The following ACP2 variants were observed in gnomAD, a reference collection of about 807,000 sequenced individuals.
The protein encoded by ACP2 is lysosomal acid phosphatase.
Under a neutral mutation model 54.7 loss-of-function variants are expected in ACP2, and 35 were observed. The ratio of observed to expected loss-of-function variants is 0.64; its 90% CI spans 0.49 to 0.85. ACP2 has a LOEUF of 0.85. ACP2 is among the 40% of genes least tolerant of loss of function. ACP2 has a pLI of 0.00. For missense variants in ACP2, 492 were observed against 565.0 expected (o/e 0.87, Z 1.31); for synonymous variants, 210 against 224.4 (o/e 0.94, Z 0.57).
chr11:47,240,479 C>G (rs1953844312), intron 10 of ACP2, among the ~76,000 whole-genome samples: 1 of 152,198 alleles, frequency 6.6e-6, no homozygotes, highest in African/African-American at 2.4e-5. Context: ...CACCTGAGGT[C>G]AGGAGTTGGA....
intron 9 of ACP2, 45 bp from the exon 10 acceptor site, chr11:47,242,943 A>G (rs1409053460): frequency 6.2e-7 from 1 of 1,610,112 alleles, no homozygotes; most frequent in Non-Finnish European, 8.5e-7. Flanking sequence ...CAGCCTGCCC[A>G]TCATGGGGTC....
rs770603142 is a variant in ACP2, at chr11:47,243,129, G to A, written c.856-5C>T. 18 of 1,613,948 alleles carry A rather than the reference G, an allele frequency of 1.1e-5. No individual in the cohort carries two copies. The highest frequency in any genetic ancestry group is 7.7e-5 in the South Asian group (7 of 91,090). ...GGCAACCAGGGTAGTGTCGTGCTGC[G>A]GGGGAGAGGGGCTGCCCGTCAGCAT... On this transcript the variant is annotated splice_polypyrimidine_tract_variant and splice_region_variant and intron_variant, in intron 8 of 10. Transcript: ENST00000672073.
At chr11:47,242,694 G>T in intron 10 of ACP2, 29 bp downstream of exon 10, 1 of 1,597,232 alleles carries the variant, frequency 6.3e-7, no homozygotes, top group South Asian at 1.1e-5. Context: ...TCTAGGGCAT[G>T]ACTAGCAAGG....
At chr11:47,242,645 G>T in intron 10 of ACP2, 78 bp downstream of exon 10, 1 of 1,524,820 alleles carries the variant, frequency 6.6e-7, no homozygotes, top group South Asian at 1.2e-5. Context: ...CTGGAAGTGC[G>T]ACAGCTCTTG....
At chr11:47,243,171 A>G in intron 8 of ACP2, 47 bp from the exon 9 acceptor site, 1 of 1,613,288 alleles carries the variant, frequency 6.2e-7, no homozygotes, top group Non-Finnish European at 8.5e-7. Context: ...CCACACCCGC[A>G]GGAACCGAAC....
At position 47,240,000 on chromosome 11, in the gene ACP2, T is replaced by A; in HGVS notation, c.*116A>T. 8.4e-7 allele frequency: 1 copy of A among 1,191,886 alleles called. No homozygotes were observed. 73.8% of individuals were successfully genotyped at this position (1,191,886 alleles called of 1,614,324 possible). The stretch of plus-strand genomic sequence containing the variant: ...CCACTCGCTCATCTGGCTGGGGTCA[T>A]CAGAGGGAGGCCCAACCCAGGATCT... On this transcript the variant is annotated 3_prime_UTR_variant, in exon 11 of 11. Transcript: ENST00000672073.
At position 47,244,815 on chromosome 11, in the gene ACP2, CG is replaced by C. The variant is rs1953999937; in HGVS notation, c.691del (p.Arg231ValfsTer5). 1 of 1,612,724 alleles carries C rather than the reference CG, an allele frequency of 6.2e-7. No individual in the cohort carries two copies. The highest frequency in any genetic ancestry group is 1.3e-5 in the African/African-American group (1 of 74,912). The part of the protein sequence containing the change: ...PPWASPQTMQ[R>X]LSRLKDFSFR... ...GCTGAAGTCCTTTAGCCGGCTGAGA[CG>C]CTGCATGGTTTGGGGTGAGGCCCAG... On this transcript the variant is annotated frameshift_variant, in exon 7 of 11. Coordinates refer to ENST00000672073, the MANE Select transcript of ACP2 (RefSeq NM_001610.4). LOFTEE classifies it high-confidence loss of function.
rs371472212 is a variant in ACP2 at position 47,247,637 on chromosome 11, T to A, written c.297+4A>T. 1.9e-6 allele frequency: 3 copies of A among 1,614,058 alleles called. No individual in the cohort carries two copies. Among genetic ancestry groups the A allele is most frequent in the African/African-American group, 2.7e-5 (2 of 74,926 alleles). ...CCCCTTGCCTCTGGAGCTCCCAACCTTACCTCTTGCCGGTGATAAGAGGTG... is the reference window on the plus strand; with the variant it reads ...CCCCTTGCCTCTGGAGCTCCCAACCATACCTCTTGCCGGTGATAAGAGGTG... On this transcript the variant is annotated splice_donor_region_variant and intron_variant, in intron 3 of 10. Transcript: ENST00000672073.
Position 47,245,354 on chromosome 11 carries a change from T to A in ACP2, c.590A>T (p.Asp197Val). ...DMVANETGLT[D>V]LTLETVWNVY... is the part of the protein sequence containing the mutation. ...ATTCCAGACGGTCTCCAGTGTCAGGTCTGTAAGCCCTGTCTCGTTGGCCAC... is the reference window on the plus strand; with the variant it reads ...ATTCCAGACGGTCTCCAGTGTCAGGACTGTAAGCCCTGTCTCGTTGGCCAC... Residue 197 changes from aspartate (D) to valine (V), a missense_variant, in exon 6 of 11, where the codon GAC becomes GTC. Physicochemically the swap from Asp to Val is radical, Grantham distance 152. Coordinates refer to ENST00000672073, the MANE Select transcript of ACP2 (RefSeq NM_001610.4). 6.2e-7 allele frequency: 1 copy of A among 1,614,066 alleles called. No homozygotes were observed. Among genetic ancestry groups the A allele is most frequent in the East Asian group, 2.2e-5 (1 of 44,870 alleles).
At chr11:47,242,227 G>A (rs1490044675) in intron 10 of ACP2, among the ~76,000 whole-genome samples, 1 of 152,254 alleles carries the variant, frequency 6.6e-6, no homozygotes, top group Non-Finnish European at 1.5e-5. Context: ...GGTGACACAA[G>A]ACTGTCTAAT....
Position 47,244,996 on chromosome 11 carries a change from G to A in ACP2, c.640-129C>T, listed in dbSNP as rs150591311. 7,156 of 1,446,712 alleles carry A rather than the reference G, an allele frequency of 4.9e-3. 28 individuals are homozygous for A. The highest frequency in any genetic ancestry group is 7.7e-3 in the South Asian group (553 of 71,454). 89.6% of individuals were successfully genotyped at this position (1,446,712 alleles called of 1,614,324 possible). A position where few individuals can be genotyped will look rare whatever the true frequency, so the allele number is the denominator to read the frequency against. ...AGAGGGGAGAGAGGCAGAGGGGCTG[G>A]AACCAGTAGACATGGCAGGCGGTGT... On this transcript the variant is annotated intron_variant, in intron 6 of 10. Coordinates refer to ENST00000672073, the MANE Select transcript of ACP2 (RefSeq NM_001610.4).
chr11:47,242,276 G>T (rs549417805), intron 10 of ACP2, among the ~76,000 whole-genome samples: 1 of 152,360 alleles, frequency 6.6e-6, no homozygotes, highest in South Asian at 2.1e-4. Flanking sequence ...AGCAGAGCCA[G>T]ATTCTAGGCA....
chr11:47,245,210 C>T (rs760364954), intron 6 of ACP2, 95 bp downstream of exon 6: 9 of 1,334,076 alleles, frequency 6.7e-6, no homozygotes, highest in African/African-American at 1.4e-5. Context: ...TCCCCAGGGG[C>T]GTGACGGTAT....
At chr11:47,248,610 C>A in intron 1 of ACP2, 66 bp downstream of exon 1, 1 of 1,560,202 alleles carries the variant, frequency 6.4e-7, no homozygotes, top group South Asian at 1.2e-5. Context: ...AGATCCTCGA[C>A]CTCCACCAGC....
intron 1 of ACP2, 155 bp downstream of exon 1, chr11:47,248,521 G>C (rs1338093575): frequency 6.4e-6 from 10 of 1,551,312 alleles, no homozygotes; most frequent in Non-Finnish European, 8.7e-6. Context: ...CCATAAGCCA[G>C]GGCTCCAGGT....
intron 9 of ACP2, 52 bp downstream of exon 9, chr11:47,242,966 C>T (rs1187880318): frequency 2.3e-5 from 37 of 1,611,858 alleles, no homozygotes; most frequent in South Asian, 7.7e-5. Context: ...TGGGCTGCCC[C>T]GAGCCACCTC....
chr11:47,242,967 G>GA (rs757855546), intron 9 of ACP2, 51 bp downstream of exon 9: 2 of 1,612,200 alleles, frequency 1.2e-6, no homozygotes, highest in Middle Eastern at 3.3e-4. Flanking sequence ...GGGCTGCCCC[G>GA]AGCCACCTCC....
intron 10 of ACP2, among the ~76,000 whole-genome samples, chr11:47,241,558 G>A (rs934622525): frequency 6.6e-6 from 1 of 152,174 alleles, no homozygotes; most frequent in African/African-American, 2.4e-5. Flanking sequence ...TTGAAAGACT[G>A]GTAGGGACAA....
rs777549464 is a variant in ACP2, at chr11:47,248,680, G to C, written c.110C>G (p.Thr37Ser). 1.4e-5 allele frequency: 23 copies of C among 1,610,648 alleles called. 1 individual carries two copies. The highest frequency in any genetic ancestry group is 1.6e-4 in the Middle Eastern group (1 of 6,082). Residue 37 changes from threonine to serine, a missense_variant, in exon 1 of 11, where the codon ACC becomes AGC. Coordinates refer to ENST00000672073, the MANE Select transcript of ACP2 (RefSeq NM_001610.4). ...PTRARSLRFV[T>S]LLYRHGDRSP... The stretch of plus-strand genomic sequence containing the variant: ...GGTGAGCCCATCTCTCATTACCAAG[G>C]TAACGAAGCGCAGACTCCGGGCCCG...
Sources: allele counts gnomAD v4.1 joint callset (sites outside exome capture counted in the v4.1 genomes callset), GRCh38; gene constraint gnomAD v4.1.1; transcripts MANE v1.5; gene names NCBI Gene and HGNC (gene_info 2026-07-23, HGNC 2026-07-21).